The following ABR variants were observed in gnomAD, a reference collection of about 807,000 sequenced individuals.
ABR encodes ABR activator of RhoGEF and GTPase.
A neutral mutation model predicts 107.2 loss-of-function variants in ABR; 35 were observed. The ratio of observed to expected loss-of-function variants is 0.33; its 90% confidence interval spans 0.25 to 0.43. The LOEUF is 0.43. ABR is among the 20% of genes least tolerant of loss of function. The pLI, the probability that ABR is intolerant of heterozygous loss-of-function variation, is 1.00. For synonymous variants in ABR, 498 were observed against 462.0 expected (o/e 1.08, Z -1.00); for missense variants, 815 against 1,115.2 (o/e 0.73, Z 3.83).
chr17:1,203,955 G>C (rs1319629025), intron 1 of ABR, among the ~76,000 whole-genome samples: 1 of 152,184 alleles, frequency 6.6e-6, no homozygotes, highest in Non-Finnish European at 1.5e-5. Flanking sequence ...TTCCTGTCCG[G>C]ACCTCGGTGC....
chr17:1,047,772 TG>T, intron 16 of ABR, among the ~76,000 whole-genome samples: 1 of 152,296 alleles, frequency 6.6e-6, no homozygotes, highest in East Asian at 1.9e-4. Context: ...CATCTGCTCC[TG>T]TCTCCAAGAG....
intron 1 of ABR, among the ~76,000 whole-genome samples, chr17:1,221,809 C>T (rs1394525657): frequency 6.6e-6 from 1 of 152,176 alleles, no homozygotes; most frequent in Admixed American, 6.6e-5. Flanking sequence ...AGAGACAGGG[C>T]TTGACGGGGA....
intron 10 of ABR, among the ~76,000 whole-genome samples, chr17:1,062,139 C>T (rs529258289): frequency 3.8e-4 from 58 of 152,136 alleles, no homozygotes; most frequent in African/African-American, 1.4e-3. Context: ...CCGCTCCAGG[C>T]CCTTCCTCCA....
At chr17:1,146,192 G>A (rs532421235) in intron 1 of ABR, among the ~76,000 whole-genome samples, 3 of 151,912 alleles carry the variant, frequency 2.0e-5, no homozygotes, top group Admixed American at 6.6e-5. Flanking sequence ...AGGTGTGCGC[G>A]GAGCTGGGGA....
At chr17:1,196,443 T>C (rs906518119) in intron 1 of ABR, among the ~76,000 whole-genome samples, 22 of 152,082 alleles carry the variant, frequency 1.4e-4, no homozygotes, top group Admixed American at 5.9e-4. Context: ...AAAAACAAAT[T>C]AATTAATTAA....
At chr17:1,184,535 C>T (rs1193112223), upstream of ABR, among the ~76,000 whole-genome samples, 5 of 152,202 alleles carry the variant, frequency 3.3e-5, no homozygotes, top group East Asian at 9.6e-4. Flanking sequence ...GAACAAGGCT[C>T]AGGTAGACTC....
At chr17:1,062,120 C>T (rs144283906) in intron 10 of ABR, among the ~76,000 whole-genome samples, 1 of 152,112 alleles carries the variant, frequency 6.6e-6, no homozygotes, top group Non-Finnish European at 1.5e-5. Flanking sequence ...ACAGACCAAG[C>T]TGACCAAACC....
chr17:1,137,718 A>C (rs892611798), intron 1 of ABR, among the ~76,000 whole-genome samples: 1 of 152,180 alleles, frequency 6.6e-6, no homozygotes, highest in Non-Finnish European at 1.5e-5. Flanking sequence ...AAAAAAACGC[A>C]GCATCTTTGA....
intron 20 of ABR, 138 bp from the exon 21 acceptor site, chr17:1,009,922 G>T: frequency 4.2e-6 from 3 of 711,610 alleles, no homozygotes; most frequent in Non-Finnish European, 7.1e-6. Flanking sequence ...ACAGGGGAGG[G>T]CCTGGTGTCT....
Position 1,084,988 on chromosome 17 carries a change from G to A in ABR, c.532-1361C>T, listed in dbSNP as rs1025772686. ...TGGCTAATCTTGTATTTTTAGTAGA[G>A]ACGGCGTTTCTCCATATTGGTCAGG... On this transcript the variant is annotated intron_variant, in intron 4 of 22. Coordinates refer to ENST00000302538, the MANE Select transcript of ABR (RefSeq NM_021962.5). This position sits in a 1 kb window ranked among gnomAD's most constrained non-coding sequence, Gnocchi z 4.2. Among the ~76,000 whole-genome samples the A allele has an allele frequency of 1.3e-5, 2 of 150,220 alleles. No homozygotes were observed. Among genetic ancestry groups the A allele is most frequent in the Admixed American group, 1.3e-4 (2 of 15,042 alleles).
In ABR at chr17:1,020,089, C is replaced by CT. The variant is rs34116299; in HGVS notation, c.1792-6926dup. ...CTGAGAGCAGCTCAACTATTTCCTT[C>CT]TTTTTTTTTTTTGAGACGGAGTCGC... On this transcript the variant is annotated intron_variant, in intron 16 of 22. Coordinates refer to ENST00000302538, the MANE Select transcript of ABR (RefSeq NM_021962.5). 5.4e-4 allele frequency among the ~76,000 whole-genome samples: 81 copies of CT among 149,414 alleles called. 1 individual carries two copies. The South Asian group carries it at 0.01, about 19-fold the overall frequency.
chr17:1,083,143 AAAG>A (rs1462829182), intron 5 of ABR: 2 of 152,570 alleles, frequency 1.3e-5, no homozygotes, highest in African/African-American at 2.4e-5. Context: ...AAAAAAAAAA[AAAG>A]GATTATCTGG....
At chr17:1,168,903 T>A (rs1182689334) in intron 1 of ABR, among the ~76,000 whole-genome samples, 1 of 152,198 alleles carries the variant, frequency 6.6e-6, no homozygotes, top group Admixed American at 6.5e-5. Context: ...CCCCAGCTCA[T>A]CCAGGCCTCC....
chr17:1,112,069 A>G (rs2038703600), intron 2 of ABR, among the ~76,000 whole-genome samples: 1 of 152,052 alleles, frequency 6.6e-6, no homozygotes, highest in Non-Finnish European at 1.5e-5. Flanking sequence ...TGCCAAAGCC[A>G]CCACCCCACC....
chr17:1,054,363 G>A (rs952361376), intron 14 of ABR, among the ~76,000 whole-genome samples: 54 of 152,288 alleles, frequency 3.5e-4, no homozygotes, highest in African/African-American at 7.9e-4. Context: ...CCTGGTTCCC[G>A]CCCTCAGAGA....
intron 4 of ABR, among the ~76,000 whole-genome samples, chr17:1,088,417 T>C (rs2151283594): frequency 6.6e-6 from 1 of 151,428 alleles, no homozygotes; most frequent in East Asian, 2.0e-4. Context: ...TGGCATTCCC[T>C]TGGAAGGATA....
intron 1 of ABR, among the ~76,000 whole-genome samples, chr17:1,134,759 C>T (rs951573077): frequency 1.3e-5 from 2 of 152,234 alleles, no homozygotes; most frequent in Admixed American, 6.5e-5. Flanking sequence ...GACAGTTCAT[C>T]GCTGTGGCTG....
intron 2 of ABR, among the ~76,000 whole-genome samples, chr17:1,106,736 G>A (rs1003832696): frequency 6.6e-6 from 1 of 152,012 alleles, no homozygotes; most frequent in Non-Finnish European, 1.5e-5. Flanking sequence ...CACTATATTG[G>A]TCAGGCTGAT....
At chr17:1,184,193 C>T (rs1356481563), upstream of ABR, among the ~76,000 whole-genome samples, 3 of 149,992 alleles carry the variant, frequency 2.0e-5, no homozygotes, top group African/African-American at 4.9e-5. Flanking sequence ...CAGTTGCTCA[C>T]GCCTGTAATC....
Sources: allele counts gnomAD v4.1 joint callset (sites outside exome capture counted in the v4.1 genomes callset), GRCh38; gene constraint gnomAD v4.1.1; non-coding constraint Gnocchi (gnomAD v3.1); transcripts MANE v1.5; gene names NCBI Gene and HGNC (gene_info 2026-07-23, HGNC 2026-07-21).